The following RPH3A variants were observed in gnomAD, a reference collection of about 807,000 sequenced individuals.
RPH3A encodes rabphilin-3A.
Under a neutral mutation model 102.2 loss-of-function variants are expected in RPH3A, and 48 were observed. The ratio of observed to expected loss-of-function variants is 0.47; its 90% confidence interval spans 0.37 to 0.60. RPH3A has a LOEUF of 0.60. RPH3A is among the 20% of genes least tolerant of loss of function. The pLI, the probability that RPH3A is intolerant of heterozygous loss-of-function variation, is 0.00. For missense variants in RPH3A, 781 were observed against 910.1 expected, an observed-to-expected ratio of 0.86 and a Z score of 1.83; for synonymous variants, 310 against 324.3, an observed-to-expected ratio of 0.96 and a Z score of 0.47.
chr12:112,766,590 C>T (rs1283465339), intron 1 of RPH3A, among the ~76,000 whole-genome samples: 1 of 152,160 alleles, frequency 6.6e-6, no homozygotes, highest in Non-Finnish European at 1.5e-5. Flanking sequence ...TGGCTTAAAC[C>T]TGCAGAAGCC....
At chr12:112,794,668 C>A (rs185352454) in intron 2 of RPH3A, among the ~76,000 whole-genome samples, 26 of 152,108 alleles carry the variant, frequency 1.7e-4, no homozygotes, top group Non-Finnish European at 2.9e-4. Flanking sequence ...CTCAATAATG[C>A]CCATGTGAGC....
chr12:112,677,559 T>C (rs1256076083), intron 1 of RPH3A, among the ~76,000 whole-genome samples: 1 of 150,104 alleles, frequency 6.7e-6, no homozygotes, highest in Non-Finnish European at 1.5e-5. Context: ...CTCAGCCTCC[T>C]AAAGTGCTGG....
intron 1 of RPH3A, among the ~76,000 whole-genome samples, chr12:112,683,582 T>C (rs928388026): frequency 6.6e-6 from 1 of 152,184 alleles, no homozygotes; most frequent in Non-Finnish European, 1.5e-5. Context: ...GTGTGTTCAA[T>C]AGAGGGTTAC....
chr12:112,707,414 C>G (rs1180775314), intron 1 of RPH3A, among the ~76,000 whole-genome samples: 1 of 152,170 alleles, frequency 6.6e-6, no homozygotes, highest in Non-Finnish European at 1.5e-5. Context: ...TAGTTTTACC[C>G]TAACTTTACA....
At position 112,794,089 on chromosome 12, in the gene RPH3A, C is replaced by T. The variant is rs539885386; in HGVS notation, c.-19+1826C>T. On this transcript the variant is annotated intron_variant, in intron 2 of 21. Transcript: ENST00000389385. The stretch of plus-strand genomic sequence containing the variant: ...TAGGGATGGCCAAGATCCAAGAGGC[C>T]GCCCTCCCTCCTCCCCCATCACATT... Among the ~76,000 whole-genome samples the T allele has an allele frequency of 2.8e-4, 42 of 152,288 alleles. No homozygotes were observed. In the South Asian group the frequency reaches 5.0e-3, roughly 18 times the overall value.
chr12:112,687,174 G>A (rs1266081629), intron 1 of RPH3A, among the ~76,000 whole-genome samples: 1 of 152,136 alleles, frequency 6.6e-6, no homozygotes, highest in Non-Finnish European at 1.5e-5. Context: ...AAACAAATAG[G>A]GTTTACTATT....
intron 1 of RPH3A, among the ~76,000 whole-genome samples, chr12:112,784,304 C>T (rs1322160526): frequency 6.6e-6 from 1 of 152,072 alleles, no homozygotes; most frequent in Non-Finnish European, 1.5e-5. Context: ...CCAACCTCAC[C>T]CCCAGGCAGG....
chr12:112,762,673 T>C (rs1472562583), intron 1 of RPH3A, among the ~76,000 whole-genome samples: 1 of 152,206 alleles, frequency 6.6e-6, no homozygotes, highest in East Asian at 1.9e-4. Flanking sequence ...ATCAGGACTT[T>C]TTGTTTTTGT....
At chr12:112,883,065 G>A (rs188149806) in intron 15 of RPH3A, among the ~76,000 whole-genome samples, 4 of 152,276 alleles carry the variant, frequency 2.6e-5, no homozygotes, top group Admixed American at 6.5e-5. Context: ...GAGGCTTAGT[G>A]CATGGAGGGA....
chr12:112,808,289 T>G (rs2041507200), intron 2 of RPH3A, among the ~76,000 whole-genome samples: 1 of 152,194 alleles, frequency 6.6e-6, no homozygotes, highest in African/African-American at 2.4e-5. Context: ...TGCAGCCTGA[T>G]CTTTCTAACC....
chr12:112,682,013 A>G (rs1278816540), intron 1 of RPH3A, among the ~76,000 whole-genome samples: 2 of 152,230 alleles, frequency 1.3e-5, no homozygotes, highest in Non-Finnish European at 2.9e-5. Flanking sequence ...TAGTCGGGAC[A>G]AGACCAGCTG....
chr12:112,866,135 C>T (rs1412033040), intron 6 of RPH3A, among the ~76,000 whole-genome samples: 1 of 152,186 alleles, frequency 6.6e-6, no homozygotes, highest in Non-Finnish European at 1.5e-5. Flanking sequence ...GTTGAACAAC[C>T]CAGCTGGAGA....
intron 1 of RPH3A, among the ~76,000 whole-genome samples, chr12:112,755,135 T>C (rs186794491): frequency 6.6e-6 from 1 of 152,302 alleles, no homozygotes; most frequent in East Asian, 1.9e-4. Context: ...ATTCACCTGA[T>C]TTTTAAAATA....
In RPH3A at chr12:112,897,022, G is replaced by A. The variant is rs1358826691; in HGVS notation, c.*242G>A. On this transcript the variant is annotated 3_prime_UTR_variant, in exon 22 of 22. Transcript: ENST00000389385. ...ATCCCTGGGATGGAGCAATGGGGAT[G>A]GGGTTGGGGAGACGTTTACAAAGAG... The A allele has an allele frequency of 6.2e-6, 3 of 484,070 alleles. No homozygotes were observed. The highest frequency in any genetic ancestry group is 3.8e-5 in the African/African-American group (2 of 51,966). 30.0% of individuals were successfully genotyped at this position (484,070 alleles called of 1,614,324 possible). A position where few individuals can be genotyped will look rare whatever the true frequency, so the allele number is the denominator to read the frequency against.
intron 16 of RPH3A, among the ~76,000 whole-genome samples, chr12:112,887,033 G>C (rs779793549): frequency 6.6e-6 from 1 of 152,198 alleles, no homozygotes; most frequent in Non-Finnish European, 1.5e-5. Context: ...AGAGTGACCA[G>C]AACCTTTATA....
chr12:112,704,891 A>G (rs988620998), intron 1 of RPH3A, among the ~76,000 whole-genome samples: 2 of 152,224 alleles, frequency 1.3e-5, no homozygotes, highest in African/African-American at 2.4e-5. Context: ...TGCAATAATT[A>G]TATCTTTTAA....
At chr12:112,608,860 T>A in intron 1 of RPH3A, among the ~76,000 whole-genome samples, 1 of 152,232 alleles carries the variant, frequency 6.6e-6, no homozygotes, top group East Asian at 1.9e-4. Context: ...TATTTACAAC[T>A]GGCAAAGTAG....
intron 1 of RPH3A, among the ~76,000 whole-genome samples, chr12:112,747,696 C>T (rs2040758577): frequency 1.3e-5 from 2 of 152,196 alleles, no homozygotes; most frequent in African/African-American, 4.8e-5. Flanking sequence ...CTACCACTGT[C>T]ATAGTTCTTA....
At chr12:112,615,591 G>A (rs2039673211) in intron 1 of RPH3A, among the ~76,000 whole-genome samples, 1 of 152,210 alleles carries the variant, frequency 6.6e-6, no homozygotes, top group Non-Finnish European at 1.5e-5. Context: ...CAGAAAGGCA[G>A]GTCCAGGAGC....
Sources: allele counts gnomAD v4.1 joint callset (sites outside exome capture counted in the v4.1 genomes callset), GRCh38; gene constraint gnomAD v4.1.1; transcripts MANE v1.5; gene names NCBI Gene and HGNC (gene_info 2026-07-23, HGNC 2026-07-21).